ATP2B2: variants seen among roughly 807,000 people sequenced by gnomAD.
ATP2B2 encodes ATPase plasma membrane Ca2+ transporting 2, also known as plasma membrane calcium-transporting ATPase 2.
Under a neutral mutation model 120.0 loss-of-function variants are expected in ATP2B2, and 15 were observed. That is an observed-to-expected ratio of 0.12 (90% CI 0.08 to 0.19). ATP2B2 has a LOEUF of 0.19. Among genes scored for constraint, ATP2B2 ranks in the 10% least tolerant of loss-of-function variants. The pLI, the probability that ATP2B2 is intolerant of heterozygous loss-of-function variation, is 1.00. For missense variants in ATP2B2, 1,045 were observed against 1,719.8 expected (o/e 0.61, Z 6.94); for synonymous variants, 694 against 700.3 (o/e 0.99, Z 0.14).
chr3:10,618,464 C>T (rs944878224), intron 2 of ATP2B2, among the ~76,000 whole-genome samples: 2 of 152,196 alleles, frequency 1.3e-5, no homozygotes, highest in Admixed American at 1.3e-4. Context: ...AGAGACAAGG[C>T]TATCGAGGTG....
At chr3:10,683,798 A>G (rs1482089495) in intron 1 of ATP2B2, among the ~76,000 whole-genome samples, 2 of 127,856 alleles carry the variant, frequency 1.6e-5, no homozygotes, top group African/African-American at 3.0e-5. Context: ...ATATATATAT[A>G]TATATATGTA....
At chr3:10,416,682 G>C (rs2062793016) in intron 2 of ATP2B2, among the ~76,000 whole-genome samples, 1 of 152,162 alleles carries the variant, frequency 6.6e-6, no homozygotes, top group African/African-American at 2.4e-5. Flanking sequence ...TGGCCCCAGA[G>C]CACAGAGCTG....
At position 10,441,976 on chromosome 3, in the gene ATP2B2, C is replaced by G. The variant is rs113626596; in HGVS notation, c.199+7369G>C. 2.6e-5 allele frequency among the ~76,000 whole-genome samples: 4 copies of G among 152,226 alleles called. No individual in the cohort carries two copies. The East Asian group carries it at 7.7e-4, about 29-fold the overall frequency. On this transcript the variant is annotated intron_variant, in intron 2 of 22. Coordinates refer to ENST00000360273, the MANE Select transcript of ATP2B2 (RefSeq NM_001001331.4). Reference sequence around the variant, plus strand: ...CCCTTTTCTGGGCACATAGTAGGCACTTAGTGATTAGTGCATATTGATTCT... The same window carrying G: ...CCCTTTTCTGGGCACATAGTAGGCAGTTAGTGATTAGTGCATATTGATTCT...
At position 10,340,759 on chromosome 3, in the gene ATP2B2, G is replaced by C; in HGVS notation, c.2918-55C>G. ...AAGGCAGTGGTGGGGGAATCAGAGG[G>C]GAGATGCCTGGCCTTTCGTGGGGGC... On this transcript the variant is annotated intron_variant, in intron 19 of 22. Transcript: ENST00000360273. The surrounding 1 kb of genome is among the most constrained non-coding windows in gnomAD (Gnocchi z 5.0). 6.3e-7 allele frequency: 1 copy of C among 1,581,230 alleles called. No homozygotes were observed. Among genetic ancestry groups the C allele is most frequent in the East Asian group, 2.2e-5 (1 of 44,642 alleles).
At chr3:10,410,447 C>T (rs766673884) in intron 3 of ATP2B2, among the ~76,000 whole-genome samples, 171 bp downstream of exon 3, 31 of 152,242 alleles carry the variant, frequency 2.0e-4, no homozygotes, top group African/African-American at 5.8e-4. Flanking sequence ...GGGGCTGAGG[C>T]CTGGCTCGGC....
chr3:10,668,088 T>TA (rs1306357483), intron 1 of ATP2B2, among the ~76,000 whole-genome samples: 1 of 152,186 alleles, frequency 6.6e-6, no homozygotes, highest in Non-Finnish European at 1.5e-5. Context: ...CGCGTGACCT[T>TA]AGGCACATGG....
At chr3:10,373,435 T>A (rs4284960) in intron 11 of ATP2B2, among the ~76,000 whole-genome samples, 1 of 152,336 alleles carries the variant, frequency 6.6e-6, no homozygotes, top group Non-Finnish European at 1.5e-5. Flanking sequence ...TACTATCCAA[T>A]ACGGTAGTCA....
intron 1 of ATP2B2, among the ~76,000 whole-genome samples, chr3:10,620,544 G>C (rs919985): frequency 0.94 from 143,702 of 152,160 alleles, 67,967 homozygotes; most frequent in African/African-American, 0.99. Flanking sequence ...GCTCCCGGGA[G>C]AAGTGAAAGC....
chr3:10,704,547 G>A (rs976730720), intron 1 of ATP2B2, among the ~76,000 whole-genome samples: 3 of 152,146 alleles, frequency 2.0e-5, no homozygotes, highest in African/African-American at 7.2e-5. Flanking sequence ...CTTAGCACAG[G>A]CCACACATCC....
At chr3:10,573,808 C>T (rs1462381416) in intron 2 of ATP2B2, among the ~76,000 whole-genome samples, 3 of 152,174 alleles carry the variant, frequency 2.0e-5, no homozygotes, top group Non-Finnish European at 2.9e-5. Context: ...CCTGGAGACT[C>T]CCTGACTAAA....
At chr3:10,445,725 C>A (rs535237301) in intron 2 of ATP2B2, among the ~76,000 whole-genome samples, 2 of 152,198 alleles carry the variant, frequency 1.3e-5, no homozygotes, top group Non-Finnish European at 2.9e-5. Flanking sequence ...CTAATTTATG[C>A]GTGGCCTGGA....
chr3:10,706,926 C>T (rs2071905112), intron 1 of ATP2B2, among the ~76,000 whole-genome samples: 1 of 152,226 alleles, frequency 6.6e-6, no homozygotes, highest in South Asian at 2.1e-4. Context: ...CTGCCCCCTG[C>T]TGTGTGACCT....
intron 1 of ATP2B2, among the ~76,000 whole-genome samples, chr3:10,628,813 GAATTGTCAAGTACT>G (rs1346993785): frequency 6.6e-6 from 1 of 152,222 alleles, no homozygotes; most frequent in Non-Finnish European, 1.5e-5. Context: ...TGTGGGTGCT[GAATTGTCAAGTACT>G]GAACCTTTGC....
At chr3:10,439,574 T>C (rs1232258113) in intron 2 of ATP2B2, among the ~76,000 whole-genome samples, 1 of 152,260 alleles carries the variant, frequency 6.6e-6, no homozygotes, top group Admixed American at 6.5e-5. Context: ...ATTTAACAAA[T>C]GATGCATTAA....
At chr3:10,584,474 G>T (rs1234267459) in intron 2 of ATP2B2, among the ~76,000 whole-genome samples, 1 of 152,112 alleles carries the variant, frequency 6.6e-6, no homozygotes, top group East Asian at 1.9e-4. Context: ...CTCTGTAGGT[G>T]CATCCTCACA....
At chr3:10,389,550 A>G (rs1179357613) in intron 5 of ATP2B2, among the ~76,000 whole-genome samples, 1 of 152,162 alleles carries the variant, frequency 6.6e-6, no homozygotes, top group East Asian at 1.9e-4. Context: ...AGGTCCCCTG[A>G]GTCATCAGCT....
At chr3:10,621,529 C>T (rs1425467504) in intron 1 of ATP2B2, among the ~76,000 whole-genome samples, 4 of 152,246 alleles carry the variant, frequency 2.6e-5, no homozygotes, top group East Asian at 1.9e-4. Context: ...GAGCTTGCAG[C>T]GGCCACACAG....
chr3:10,378,409 G>A lies in ATP2B2; in HGVS notation c.1044C>T (p.Ala348=). The stretch of plus-strand genomic sequence containing the variant: ...TGGCGGCTGCCCCGTCCTGTTGTTT[G>A]GCTGCAGGGGGCAGATCACGCACGT... ...DGNVDASQSK[A]KQQDGAAAME... The change falls in exon 10 of 23, where the codon GCC becomes GCT. Residue 348 remains alanine, a splice_region_variant and synonymous_variant. Coordinates refer to ENST00000360273, the MANE Select transcript of ATP2B2 (RefSeq NM_001001331.4). 1 of 1,600,634 alleles carries A rather than the reference G, an allele frequency of 6.2e-7. No individual in the cohort carries two copies. The highest frequency in any genetic ancestry group is 1.7e-5 in the Admixed American group (1 of 60,026).
intron 1 of ATP2B2, among the ~76,000 whole-genome samples, chr3:10,659,714 G>A (rs2070730985): frequency 6.6e-6 from 1 of 152,170 alleles, no homozygotes; most frequent in African/African-American, 2.4e-5. Context: ...AGGATATCCA[G>A]GAATTGAATT....
Sources: allele counts gnomAD v4.1 joint callset (sites outside exome capture counted in the v4.1 genomes callset), GRCh38; gene constraint gnomAD v4.1.1; non-coding constraint Gnocchi (gnomAD v3.1); transcripts MANE v1.5; gene names NCBI Gene and HGNC (gene_info 2026-07-23, HGNC 2026-07-21).